The following RASA1 variants were observed in gnomAD, a reference collection of about 807,000 sequenced individuals.
RASA1 encodes RAS p21 protein activator 1.
Under a neutral mutation model 132.2 loss-of-function variants are expected in RASA1, and 25 were observed. The observed-to-expected ratio is 0.19, with a 90% CI of 0.14 to 0.26. The LOEUF is 0.26. RASA1 is among the 10% of genes least tolerant of loss of function. RASA1 has a pLI of 1.00. For synonymous variants in RASA1, 477 were observed against 449.9 expected (o/e 1.06, Z -0.76); for missense variants, 964 against 1,299.2 (o/e 0.74, Z 3.97).
intron 1 of RASA1, among the ~76,000 whole-genome samples, chr5:87,323,523 G>A (rs1018462035): frequency 2.6e-5 from 4 of 152,136 alleles, no homozygotes; most frequent in Admixed American, 2.6e-4. Context: ...GTTCTTTGAG[G>A]CATATTTCAG....
chr5:87,294,161 T>G (rs927118816), intron 1 of RASA1: 4 of 152,132 alleles, frequency 2.6e-5, no homozygotes, highest in Non-Finnish European at 4.4e-5. Context: ...AAGTTTAGAT[T>G]ATTATTATTA....
intron 1 of RASA1, among the ~76,000 whole-genome samples, chr5:87,280,895 A>G (rs549058914): frequency 6.0e-5 from 9 of 149,396 alleles, no homozygotes; most frequent in East Asian, 2.0e-4. Context: ...TAGCTGGACT[A>G]CCGGCGCCTG....
intron 4 of RASA1, among the ~76,000 whole-genome samples, chr5:87,336,584 C>CT (rs1413821285): frequency 6.6e-6 from 1 of 152,024 alleles, no homozygotes; most frequent in Admixed American, 6.5e-5. Context: ...GATTGTATTA[C>CT]TACTAACAAG....
At position 87,348,640 on chromosome 5, in the gene RASA1, AT is replaced by A. The variant is rs1004683068; in HGVS notation, c.1103-561del. On this transcript the variant is annotated intron_variant, in intron 7 of 24. Transcript: ENST00000274376. ...ATTTTATTACAGTTATTACTTTTTA[AT>A]TTTTTTTTTTTTAAGATGCAGGATC... Among the ~76,000 whole-genome samples, 228 of 145,196 alleles carry A rather than the reference AT, an allele frequency of 1.6e-3. 1 individual carries two copies. Among genetic ancestry groups the A allele is most frequent in the Middle Eastern group, 3.6e-3 (1 of 278 alleles).
rs1277600048 is a variant in RASA1, at chr5:87,387,527, C to T, written c.2925+624C>T. Among the ~76,000 whole-genome samples, 3 of 152,152 alleles carry T rather than the reference C, an allele frequency of 2.0e-5. No homozygotes were observed. In the East Asian group the frequency reaches 5.8e-4, roughly 29 times the overall value. Reference sequence around the variant, plus strand: ...GGTACTGAGTCAGTTTTAAACTAAACTTATTAGTAATTCAGTTCATATACA... The same window carrying T: ...GGTACTGAGTCAGTTTTAAACTAAATTTATTAGTAATTCAGTTCATATACA... On this transcript the variant is annotated intron_variant, in intron 23 of 24. Transcript: ENST00000274376.
intron 6 of RASA1, among the ~76,000 whole-genome samples, chr5:87,342,593 A>G (rs1758554385): frequency 6.6e-6 from 1 of 152,202 alleles, no homozygotes; most frequent in Non-Finnish European, 1.5e-5. Context: ...CCTCGTTGCT[A>G]GAGATCAAGG....
At chr5:87,341,545 C>T (rs1319023006) in intron 6 of RASA1, among the ~76,000 whole-genome samples, 1 of 151,944 alleles carries the variant, frequency 6.6e-6, no homozygotes, top group Non-Finnish European at 1.5e-5. Flanking sequence ...TTTTTATCAC[C>T]ACACTGAAGA....
intron 1 of RASA1, among the ~76,000 whole-genome samples, chr5:87,296,894 G>T (rs545518842): frequency 1.3e-5 from 2 of 152,222 alleles, no homozygotes; most frequent in Admixed American, 1.3e-4. Context: ...TGTGTTACCA[G>T]TGTATTTAAG....
In RASA1 at chr5:87,364,504, T is replaced by C. The variant is rs565315084; in HGVS notation, c.1610+1000T>C. ...ACTTCATAAATTCATTTTACGAAGA[T>C]ACCCTTTTTTTTCCCCTGAATACTC... On this transcript the variant is annotated intron_variant, in intron 11 of 24. Transcript: ENST00000274376. Among the ~76,000 whole-genome samples, 3 of 152,280 alleles carry C rather than the reference T, an allele frequency of 2.0e-5. No homozygotes were observed. In the South Asian group the frequency reaches 6.2e-4, roughly 32 times the overall value.
intron 24 of RASA1, among the ~76,000 whole-genome samples, 198 bp downstream of exon 24, chr5:87,389,725 T>C (rs979081817): frequency 1.3e-5 from 2 of 152,208 alleles, no homozygotes; most frequent in Non-Finnish European, 2.9e-5. Flanking sequence ...CTGAAAAACA[T>C]CAGGTTTTGC....
intron 1 of RASA1, among the ~76,000 whole-genome samples, chr5:87,312,540 G>A (rs925260661): frequency 2.6e-5 from 4 of 152,118 alleles, no homozygotes; most frequent in South Asian, 4.1e-4. Context: ...TTCTTTAGGG[G>A]CCAGCAATTT....
rs765093179 is a variant in RASA1 at position 87,337,983 on chromosome 5, A to G, written c.909A>G (p.Lys303=). 8 of 1,605,946 alleles carry G rather than the reference A, an allele frequency of 5.0e-6. No homozygotes were observed. The highest frequency in any genetic ancestry group is 1.7e-4 in the Middle Eastern group (1 of 6,028). ...AAATTGCTATTTTCAGTTTCTTAAAAGGAGATATGTTCATTGTTCATAATG... is the reference window on the plus strand; with the variant it reads ...AAATTGCTATTTTCAGTTTCTTAAAGGGAGATATGTTCATTGTTCATAATG... ...VPDTDEISFL[K]GDMFIVHNEL... Residue 303 remains lysine, a synonymous_variant, in exon 5 of 25, where the codon AAA becomes AAG. Transcript: ENST00000274376.
chr5:87,330,992 T>C, intron 1 of RASA1: 4 of 1,421,846 alleles, frequency 2.8e-6, no homozygotes, highest in Non-Finnish European at 3.7e-6. Flanking sequence ...AGGTAGTAAA[T>C]TAATCATTTC....
At chr5:87,287,056 C>A (rs1754618192) in intron 1 of RASA1, among the ~76,000 whole-genome samples, 1 of 142,338 alleles carries the variant, frequency 7.0e-6, no homozygotes, top group South Asian at 2.2e-4. Context: ...TATATATACC[C>A]CATGTATATA....
intron 1 of RASA1, among the ~76,000 whole-genome samples, chr5:87,318,098 T>C (rs1225740756): frequency 6.6e-6 from 1 of 152,174 alleles, no homozygotes; most frequent in African/African-American, 2.4e-5. Context: ...TGGGCTAAAA[T>C]GTTCTTGGCA....
chr5:87,344,311 A>G (rs563265756), intron 6 of RASA1, among the ~76,000 whole-genome samples: 2 of 152,288 alleles, frequency 1.3e-5, no homozygotes, highest in South Asian at 2.1e-4. Context: ...ATAAAAATAA[A>G]CAAAATAGTT....
intron 9 of RASA1, among the ~76,000 whole-genome samples, chr5:87,360,569 A>G (rs553295693): frequency 1.3e-5 from 2 of 152,276 alleles, no homozygotes; most frequent in East Asian, 1.9e-4. Context: ...TACAATTTCT[A>G]TATGTTTACT....
At chr5:87,322,982 T>G (rs1476717772) in intron 1 of RASA1, among the ~76,000 whole-genome samples, 1 of 152,174 alleles carries the variant, frequency 6.6e-6, no homozygotes, top group East Asian at 1.9e-4. Context: ...ATATTCACCT[T>G]AAGGTGAAGA....
chr5:87,311,124 A>G (rs1035916691), intron 1 of RASA1, among the ~76,000 whole-genome samples: 9 of 152,344 alleles, frequency 5.9e-5, no homozygotes, highest in South Asian at 2.1e-4. Context: ...TTGAGTCGAT[A>G]TCTGAACTAG....
Sources: gnomAD v4.1 joint callset for allele counts (sites outside exome capture counted in the v4.1 genomes callset) on GRCh38, gnomAD v4.1.1 for gene constraint, MANE v1.5 for transcripts, NCBI Gene and HGNC (gene_info 2026-07-23, HGNC 2026-07-21) for gene names.